FRYL: variants seen among roughly 807,000 people sequenced by gnomAD.
FRYL encodes the protein FRY like transcription coactivator.
A neutral mutation model predicts 351.2 loss-of-function variants in FRYL; 150 were observed. The ratio of observed to expected loss-of-function variants is 0.43; its 90% CI spans 0.37 to 0.49. The LOEUF is 0.49. Among genes scored for constraint, FRYL ranks in the 20% least tolerant of loss-of-function variants. The probability of loss-of-function intolerance (pLI) is 0.00; values close to 1 mark genes in which losing one functional copy is unlikely to be tolerated. For synonymous variants in FRYL, 1,153 were observed against 1,257.1 expected (o/e 0.92, Z 1.75); for missense variants, 3,036 against 3,619.3 (o/e 0.84, Z 4.13).
chr4:48,573,294 G>T, intron 25 of FRYL, 51 bp from the exon 26 acceptor site: 1 of 1,195,820 alleles, frequency 8.4e-7, no homozygotes, highest in South Asian at 1.2e-5. Flanking sequence ...GATATAATCT[G>T]ACACAGGTAA....
chr4:48,766,981 ATATC>A (rs1210912864), intron 1 of FRYL, among the ~76,000 whole-genome samples: 1 of 147,902 alleles, frequency 6.8e-6, no homozygotes, highest in Non-Finnish European at 1.5e-5. Context: ...ATCATAATAT[ATATC>A]TATATATTAT....
chr4:48,729,654 T>G (rs1447738798), intron 1 of FRYL, among the ~76,000 whole-genome samples: 1 of 152,202 alleles, frequency 6.6e-6, no homozygotes, highest in Admixed American at 6.5e-5. Flanking sequence ...CTGAGGGGCC[T>G]ATTAGAAGGA....
chr4:48,764,436 C>A (rs1425761635), intron 1 of FRYL, among the ~76,000 whole-genome samples: 52 of 151,066 alleles, frequency 3.4e-4, no homozygotes, highest in African/African-American at 1.1e-3. Flanking sequence ...GAGGCTGACA[C>A]AGGAGGATCA....
intron 19 of FRYL, among the ~76,000 whole-genome samples, chr4:48,585,387 G>A (rs1741894234): frequency 6.6e-6 from 1 of 152,192 alleles, no homozygotes; most frequent in South Asian, 2.1e-4. Flanking sequence ...GTGCCAGGGT[G>A]TGTGAAAAGC....
intron 18 of FRYL, among the ~76,000 whole-genome samples, chr4:48,588,671 C>T (rs1187164479): frequency 1.3e-5 from 2 of 151,966 alleles, no homozygotes; most frequent in African/African-American, 4.8e-5. Context: ...AGGCATTGGC[C>T]CATGGGCCTC....
chr4:48,670,176 G>A (rs977712445), intron 3 of FRYL, among the ~76,000 whole-genome samples: 1 of 151,974 alleles, frequency 6.6e-6, no homozygotes, highest in African/African-American at 2.4e-5. Flanking sequence ...GCTCATGCCT[G>A]TAATCCCAGC....
intron 44 of FRYL, among the ~76,000 whole-genome samples, chr4:48,542,508 C>A (rs1322767641): frequency 1.3e-5 from 2 of 152,222 alleles, no homozygotes; most frequent in African/African-American, 4.8e-5. Context: ...CCTCTGCCTC[C>A]CGGATTCAAG....
intron 5 of FRYL, among the ~76,000 whole-genome samples, chr4:48,622,454 G>A (rs1191786427): frequency 2.0e-5 from 3 of 152,170 alleles, no homozygotes; most frequent in Admixed American, 6.6e-5. Context: ...CAGTGATTCT[G>A]CTTTGGCAGA....
chr4:48,694,572 T>C (rs1185674709), intron 2 of FRYL, among the ~76,000 whole-genome samples: 2 of 152,152 alleles, frequency 1.3e-5, no homozygotes, highest in Non-Finnish European at 2.9e-5. Flanking sequence ...GCTGGGATTA[T>C]AGGTGTGAGC....
chr4:48,528,506 T>C (rs929021554), intron 50 of FRYL, among the ~76,000 whole-genome samples, 170 bp from the exon 51 acceptor site: 4 of 152,124 alleles, frequency 2.6e-5, no homozygotes, highest in African/African-American at 9.7e-5. Flanking sequence ...ATGATATATA[T>C]ATATTTTTAA....
At chr4:48,656,358 T>TATTATATAATATATACTAAATAG (rs1759071063) in intron 3 of FRYL, among the ~76,000 whole-genome samples, 1 of 134,808 alleles carries the variant, frequency 7.4e-6, no homozygotes, top group African/African-American at 2.7e-5. Flanking sequence ...ATACTAAATA[T>TATTATATAATATATACTAAATAG]ATTATATAAT....
chr4:48,633,881 ATG>A (rs3086847), intron 4 of FRYL, among the ~76,000 whole-genome samples: 76,947 of 151,718 alleles, frequency 0.51, 19,880 homozygotes, highest in South Asian at 0.61. Context: ...AAACTGACCC[ATG>A]TGTTTGTTTT....
intron 1 of FRYL, among the ~76,000 whole-genome samples, chr4:48,726,525 T>C (rs1311781108): frequency 6.6e-6 from 1 of 152,006 alleles, no homozygotes; most frequent in Admixed American, 6.6e-5. Context: ...CTACTAAAAA[T>C]ACAAAAATTA....
intron 3 of FRYL, among the ~76,000 whole-genome samples, chr4:48,669,032 T>C (rs1317308588): frequency 6.6e-6 from 1 of 152,264 alleles, no homozygotes; most frequent in Non-Finnish European, 1.5e-5. Flanking sequence ...ACCGTATCTT[T>C]ATTTTTTCAA....
At chr4:48,706,694 G>C (rs566860192) in intron 2 of FRYL, among the ~76,000 whole-genome samples, 1 of 152,204 alleles carries the variant, frequency 6.6e-6, no homozygotes, top group Non-Finnish European at 1.5e-5. Flanking sequence ...CAGCAAGTGT[G>C]ATGGGCTCCC....
chr4:48,634,167 T>C lies in FRYL; in HGVS notation c.120+124A>G. On this transcript the variant is annotated intron_variant, in intron 4 of 63. Coordinates refer to ENST00000358350, the MANE Select transcript of FRYL (RefSeq NM_015030.2). ...GTGGATTCTAAAGTCAGTGCAGCTT[T>C]CTACATCACCACTATCCCTTAATAT... The C allele has an allele frequency of 4.1e-6, 3 of 731,062 alleles. No homozygotes were observed. The South Asian group carries it at 5.6e-5, about 14-fold the overall frequency. The allele number at this position is 731,062 out of a possible 1,614,324, so 45.3% of individuals were successfully genotyped here.
intron 60 of FRYL, among the ~76,000 whole-genome samples, chr4:48,504,373 T>A (rs991044929): frequency 5.3e-5 from 8 of 152,192 alleles, no homozygotes; most frequent in African/African-American, 1.7e-4. Flanking sequence ...ACTGACTTGA[T>A]CTTAAGATGG....
chr4:48,601,333 A>G (rs1191245268), intron 13 of FRYL, among the ~76,000 whole-genome samples: 1 of 152,222 alleles, frequency 6.6e-6, no homozygotes, highest in Non-Finnish European at 1.5e-5. Flanking sequence ...AAGCATTCGC[A>G]TGACATGCAG....
chr4:48,724,551 A>G (rs1489824515), intron 1 of FRYL, among the ~76,000 whole-genome samples: 2 of 152,234 alleles, frequency 1.3e-5, no homozygotes, highest in East Asian at 1.9e-4. Context: ...CTACCCGACT[A>G]AAAAGCAAGC....
Sources: allele counts gnomAD v4.1 joint callset (sites outside exome capture counted in the v4.1 genomes callset), GRCh38; gene constraint gnomAD v4.1.1; transcripts MANE v1.5; gene names NCBI Gene and HGNC (gene_info 2026-07-23, HGNC 2026-07-21).